Variants in QRFPR observed in about 807,000 individuals in gnomAD.
QRFPR encodes the protein pyroglutamylated RF-amide peptide receptor.
QRFPR carries 37 observed loss-of-function variants against 31.3 expected under a neutral mutation model. The observed-to-expected ratio is 1.18, with a 90% CI of 0.91 to 1.56. The LOEUF is 1.56. Ranked by LOEUF, QRFPR falls within the 40% of genes most tolerant of loss-of-function variation. The pLI is 0.00. For synonymous variants in QRFPR, 197 were observed against 192.0 expected, an observed-to-expected ratio of 1.03 and a Z score of -0.22; for missense variants, 542 against 532.5, an observed-to-expected ratio of 1.02 and a Z score of -0.18.
chr4:121,373,231 A>G (rs903239641), intron 1 of QRFPR, among the ~76,000 whole-genome samples: 4 of 152,192 alleles, frequency 2.6e-5, no homozygotes, highest in African/African-American at 4.8e-5. Flanking sequence ...TTACTGCTAA[A>G]TCCTTGTCAT....
At chr4:121,334,898 C>T (rs984060826) in intron 3 of QRFPR, among the ~76,000 whole-genome samples, 1 of 152,114 alleles carries the variant, frequency 6.6e-6, no homozygotes, top group Non-Finnish European at 1.5e-5. Flanking sequence ...TTTCGAGAAG[C>T]GTACATTTGG....
chr4:121,329,393 T>A lies in QRFPR; in HGVS notation c.1217A>T (p.Glu406Val), dbSNP rs942483315. 3.7e-6 allele frequency: 6 copies of A among 1,614,042 alleles called. No individual in the cohort carries two copies. The African/African-American group carries it at 8.0e-5, about 22-fold the overall frequency. The change falls in exon 6 of 6, where the codon GAG (glutamate) becomes GTG (valine). Residue 406 changes from glutamate (E) to valine (V), a missense_variant. Glu to Val is a moderately radical substitution (Grantham distance 121). Transcript: ENST00000394427. ...IEVKLCEQTE[E>V]KKKLKRHLAL... The stretch of plus-strand genomic sequence containing the variant: ...AAGATGTCGTTTGAGCTTTTTCTTC[T>A]CCTCTGTCTGTTCACACAATTTGAC...
At position 121,330,388 on chromosome 4, in the gene QRFPR, A is replaced by G. The variant is rs373855050; in HGVS notation, c.895+38T>C. 4.4e-6 allele frequency: 6 copies of G among 1,371,706 alleles called. No homozygotes were observed. In the African/African-American group the frequency reaches 8.6e-5, roughly 20 times the overall value. 85.0% of individuals were successfully genotyped at this position (1,371,706 alleles called of 1,614,324 possible). A position where few individuals can be genotyped will look rare whatever the true frequency, so the allele number is the denominator to read the frequency against. On this transcript the variant is annotated intron_variant, in intron 5 of 5. Transcript: ENST00000394427. Reference sequence around the variant, plus strand: ...CATTGTCTATTCTAGCAGGAAATGAATGAGAATGTCTATCAAATGAGAATG... The same window carrying G: ...CATTGTCTATTCTAGCAGGAAATGAGTGAGAATGTCTATCAAATGAGAATG...
intron 1 of QRFPR, among the ~76,000 whole-genome samples, chr4:121,378,825 C>T (rs1726409978): frequency 6.6e-6 from 1 of 152,110 alleles, no homozygotes; most frequent in Non-Finnish European, 1.5e-5. Flanking sequence ...AATAGTAATC[C>T]AGTTCTTTTG....
chr4:121,359,826 T>TAC (rs1468894727), intron 1 of QRFPR, among the ~76,000 whole-genome samples: 2 of 151,656 alleles, frequency 1.3e-5, no homozygotes, highest in Admixed American at 1.3e-4. Context: ...TGTATATATA[T>TAC]ATCTCTCTCC....
chr4:121,342,124 A>G (rs1310120620), intron 1 of QRFPR, among the ~76,000 whole-genome samples: 1 of 152,218 alleles, frequency 6.6e-6, no homozygotes, highest in African/African-American at 2.4e-5. Flanking sequence ...AATCCACTGA[A>G]GGCGCGAATA....
At chr4:121,372,506 T>C (rs887515612) in intron 1 of QRFPR, among the ~76,000 whole-genome samples, 4 of 152,222 alleles carry the variant, frequency 2.6e-5, no homozygotes, top group African/African-American at 9.6e-5. Flanking sequence ...TGTCGTGCAA[T>C]GAACACCACT....
intron 5 of QRFPR, 81 bp downstream of exon 5, chr4:121,330,345 C>T (rs56169343): frequency 0.14 from 136,315 of 951,558 alleles, 10,836 homozygotes; most frequent in Middle Eastern, 0.22. Flanking sequence ...AAGTGAACAG[C>T]GACACATTTC....
intron 5 of QRFPR, 91 bp from the exon 6 acceptor site, chr4:121,329,805 T>C: frequency 2.1e-6 from 2 of 952,780 alleles, no homozygotes; most frequent in East Asian, 5.5e-5. Context: ...CTTAAACTTG[T>C]ACAAGTATCT....
At chr4:121,365,587 ATATT>A (rs1560743900) in intron 1 of QRFPR, among the ~76,000 whole-genome samples, 3 of 2,856 alleles carry the variant, frequency 1.1e-3, no homozygotes, top group Non-Finnish European at 1.5e-3. Flanking sequence ...TATATTATAT[ATATT>A]ATATATATAT....
chr4:121,369,416 G>C, intron 1 of QRFPR: 1 of 768,776 alleles, frequency 1.3e-6, no homozygotes, highest in Non-Finnish European at 2.2e-6. Context: ...CAGAATCCCT[G>C]GAAAGAAAGG....
chr4:121,338,452 C>T (rs765469949), intron 2 of QRFPR, among the ~76,000 whole-genome samples: 3 of 152,134 alleles, frequency 2.0e-5, no homozygotes, highest in Non-Finnish European at 4.4e-5. Context: ...AGGAAGGCTT[C>T]GGATGTGGCC....
intron 1 of QRFPR, among the ~76,000 whole-genome samples, chr4:121,368,830 G>A (rs1476341604): frequency 2.0e-5 from 3 of 151,046 alleles, no homozygotes; most frequent in African/African-American, 7.3e-5. Context: ...AGTAAGCAGT[G>A]ATTGAAGTTC....
chr4:121,337,067 G>C (rs1271351255), intron 2 of QRFPR, among the ~76,000 whole-genome samples, 199 bp from the exon 3 acceptor site: 2 of 152,146 alleles, frequency 1.3e-5, no homozygotes, highest in East Asian at 3.8e-4. Context: ...CCTAAAACAA[G>C]TTTTAAACAT....
At chr4:121,375,551 G>A (rs1454884217) in intron 1 of QRFPR, among the ~76,000 whole-genome samples, 1 of 152,210 alleles carries the variant, frequency 6.6e-6, no homozygotes, top group African/African-American at 2.4e-5. Flanking sequence ...GATACCATGA[G>A]AGAATGAGAG....
intron 3 of QRFPR, among the ~76,000 whole-genome samples, chr4:121,336,599 G>C (rs4273490): frequency 0.33 from 50,600 of 151,980 alleles, 8,944 homozygotes; most frequent in Middle Eastern, 0.49. Context: ...TTAAGCATTA[G>C]AGTCCTAACA....
At chr4:121,341,621 C>G (rs1725544635) in intron 1 of QRFPR, among the ~76,000 whole-genome samples, 1 of 152,148 alleles carries the variant, frequency 6.6e-6, no homozygotes, top group Admixed American at 6.5e-5. Context: ...TCAAAACACA[C>G]AAAATCATTT....
chr4:121,373,736 C>T (rs1260299818), intron 1 of QRFPR, among the ~76,000 whole-genome samples: 1 of 152,018 alleles, frequency 6.6e-6, no homozygotes. Flanking sequence ...CTGAATTGGC[C>T]CTCAAAATTA....
At chr4:121,379,013 AT>A (rs1726413439) in intron 1 of QRFPR, among the ~76,000 whole-genome samples, 1 of 152,314 alleles carries the variant, frequency 6.6e-6, no homozygotes, top group South Asian at 2.1e-4. Context: ...TACCCCATTA[AT>A]TTTATGGAGT....
Sources: allele counts gnomAD v4.1 joint callset (sites outside exome capture counted in the v4.1 genomes callset), GRCh38; gene constraint gnomAD v4.1.1; transcripts MANE v1.5; gene names NCBI Gene and HGNC (gene_info 2026-07-23, HGNC 2026-07-21).